Variants in OTOF observed in about 807,000 individuals in gnomAD.
OTOF encodes fer-1-like family member 2.
A neutral mutation model predicts 236.8 loss-of-function variants in OTOF; 218 were observed. The ratio of observed to expected loss-of-function variants is 0.92; its 90% CI spans 0.82 to 1.03. OTOF has a LOEUF of 1.03. OTOF is among the 50% of genes least tolerant of loss of function. The pLI is 0.00. For missense variants in OTOF, 2,590 were observed against 2,694.4 expected, an observed-to-expected ratio of 0.96 and a Z score of 0.86; for synonymous variants, 1,041 against 1,072.5, an observed-to-expected ratio of 0.97 and a Z score of 0.57.
In OTOF at chr2:26,479,600, G is replaced by C. The variant is rs755740624; in HGVS notation, c.1966C>G (p.Arg656Gly). The C allele has an allele frequency of 6.2e-7, 1 of 1,612,468 alleles. No individual in the cohort carries two copies. Among genetic ancestry groups the C allele is most frequent in the Non-Finnish European group, 8.5e-7 (1 of 1,179,806 alleles). Residue 656 changes from arginine to glycine, a missense_variant, in exon 17 of 47, where the codon CGG becomes GGG. Arg to Gly is a moderately radical substitution (Grantham distance 125). This residue lies in a region of OTOF where 1,379 missense variants were observed against 1,341.6 expected (regional missense o/e 1.03). Transcript: ENST00000272371. ...GLSRPQRPRP[R>G]KEPGDEEEVD... is the part of the protein sequence containing the mutation. ...TCTTCCTCATCCCCCGGCTCCTTCC[G>C]GGGCCGAGGCCGCTGGGGCCGGGAC...
chr2:26,554,562 T>C (rs1235747299), intron 1 of OTOF, among the ~76,000 whole-genome samples: 1 of 152,146 alleles, frequency 6.6e-6, no homozygotes. Flanking sequence ...GTACTTTGTG[T>C]GCAAAGTACT....
intron 30 of OTOF, chr2:26,472,294 G>A: frequency 1.7e-6 from 1 of 598,048 alleles, no homozygotes; most frequent in Non-Finnish European, 3.1e-6. Flanking sequence ...CCACACACAT[G>A]CGCACACACA....
chr2:26,503,978 C>T, intron 5 of OTOF, 133 bp from the exon 6 acceptor site: 1 of 773,166 alleles, frequency 1.3e-6, no homozygotes, highest in Non-Finnish European at 2.2e-6. Flanking sequence ...CTACTGGTCC[C>T]GAGACAGATC....
chr2:26,514,109 G>C (rs1250574534), intron 5 of OTOF, among the ~76,000 whole-genome samples: 1 of 152,250 alleles, frequency 6.6e-6, no homozygotes, highest in Non-Finnish European at 1.5e-5. Context: ...TCCACAACCA[G>C]GCCTGCTGGC....
chr2:26,495,018 A>G lies in OTOF; in HGVS notation c.821T>C (p.Val274Ala), dbSNP rs1307936344. Residue 274 changes from valine to alanine, a missense_variant, in exon 9 of 47, where the codon GTG becomes GCG. Val to Ala is a moderately conservative substitution (Grantham distance 64). Coordinates refer to ENST00000272371, the MANE Select transcript of OTOF (RefSeq NM_194248.3). ...RQLVGLNMDP[V>A]VCVEVGDDKK... ...GTCGTCACCCACCTCCACGCACACC[A>G]CAGGGTCCATGTTCAAGCCCACCAG... is the stretch of plus-strand genomic sequence containing the variant. The G allele has an allele frequency of 6.2e-7, 1 of 1,614,128 alleles. No homozygotes were observed. The highest frequency in any genetic ancestry group is 2.2e-5 in the East Asian group (1 of 44,874).
chr2:26,540,992 C>A (rs1287804264), intron 1 of OTOF, among the ~76,000 whole-genome samples: 3 of 152,226 alleles, frequency 2.0e-5, no homozygotes, highest in Admixed American at 6.5e-5. Flanking sequence ...AGGTAACACA[C>A]AATATAAATT....
At chr2:26,498,377 C>G (rs1666040104) in intron 8 of OTOF, among the ~76,000 whole-genome samples, 1 of 152,200 alleles carries the variant, frequency 6.6e-6, no homozygotes, top group African/African-American at 2.4e-5. Context: ...CCACCAGGCG[C>G]ATGGTGTTGG....
In OTOF at chr2:26,465,952, C is replaced by G; in HGVS notation, c.4625G>C (p.Gly1542Ala). 2 of 1,614,212 alleles carry G rather than the reference C, an allele frequency of 1.2e-6. No individual in the cohort carries two copies. The highest frequency in any genetic ancestry group is 1.7e-6 in the Non-Finnish European group (2 of 1,180,036). Reference protein sequence around the residue: ...YISKQLNPVFGKSFDIEASFP... With the variant: ...YISKQLNPVFAKSFDIEASFP... The stretch of plus-strand genomic sequence containing the variant: ...GGAGGGCACCAAGAAGCCTTACTTC[C>G]CAAAGACAGGGTTGAGCTGCTTGGA... Residue 1542 changes from glycine to alanine, a missense_variant, in exon 37 of 47, where the codon GGG becomes GCG. Physicochemically the swap from Gly to Ala is moderately conservative, Grantham distance 60. This residue lies in a region of OTOF where 1,211 missense variants were observed against 1,352.8 expected (regional missense o/e 0.90). Transcript: ENST00000272371.
intron 30 of OTOF, 96 bp from the exon 31 acceptor site, chr2:26,471,246 G>A (rs1305898385): frequency 2.1e-6 from 3 of 1,403,266 alleles, no homozygotes; most frequent in African/African-American, 2.8e-5. Flanking sequence ...GAGCCGAGAT[G>A]GAAATTACTG....
At chr2:26,507,956 GGGTCCTA>G (rs1241141982) in intron 5 of OTOF, among the ~76,000 whole-genome samples, 2 of 152,224 alleles carry the variant, frequency 1.3e-5, no homozygotes, top group Non-Finnish European at 2.9e-5. Flanking sequence ...GGTGCACACA[GGGTCCTA>G]GGTAGAGCTT....
intron 1 of OTOF, among the ~76,000 whole-genome samples, chr2:26,551,698 TTAAA>T (rs977406479): frequency 2.7e-4 from 41 of 152,338 alleles, no homozygotes; most frequent in African/African-American, 9.9e-4. Context: ...GGATAAATGA[TTAAA>T]TACCTGATTT....
intron 39 of OTOF, 80 bp downstream of exon 39, chr2:26,464,788 TC>T: frequency 7.2e-7 from 1 of 1,387,766 alleles, no homozygotes; most frequent in Non-Finnish European, 9.9e-7. Flanking sequence ...GCTGTGAGGT[TC>T]CCCAGGGAAG....
At position 26,467,118 on chromosome 2, in the gene OTOF, C is replaced by T. The variant is rs373858563; in HGVS notation, c.4343G>A (p.Arg1448His). 44 of 1,613,684 alleles carry T rather than the reference C, an allele frequency of 2.7e-5. No homozygotes were observed. The highest frequency in any genetic ancestry group is 4.0e-5 in the African/African-American group (3 of 74,992). ...DDEDGSTEEE[R>H]IVGRFKGSLC... is the part of the protein sequence containing the mutation. ...CCTGACCTTGAAGCGTCCCACAATG[C>T]GCTCCTCCTCGGTGGAGCCATCCTC... Residue 1448 changes from arginine to histidine, a missense_variant, in exon 35 of 47, where the codon CGC becomes CAC. Arg to His is a conservative substitution (Grantham distance 29, BLOSUM62 0). Transcript: ENST00000272371.
intron 5 of OTOF, among the ~76,000 whole-genome samples, chr2:26,506,268 C>T (rs1052498952): frequency 1.3e-5 from 2 of 152,258 alleles, no homozygotes; most frequent in African/African-American, 2.4e-5. Context: ...CTGCAGGGCT[C>T]AGCGTTTGAC....
chr2:26,460,164 T>C lies in OTOF; in HGVS notation c.5855A>G (p.Lys1952Arg). ...TSFIWFLNPL[K>R]SARYFLWHTY... ...GTGCCACAAGAAGTAGCGAGCCGAC[T>C]TGAGAGGGTTCAGGAACCAGATGAA... The change falls in exon 46 of 47, where the codon AAG (lysine) becomes AGG (arginine). Residue 1952 changes from lysine to arginine, a missense_variant. Transcript: ENST00000272371. The surrounding 1 kb of genome is among the most constrained non-coding windows in gnomAD (Gnocchi z 5.3). The C allele has an allele frequency of 6.2e-7, 1 of 1,604,990 alleles. No homozygotes were observed. The highest frequency in any genetic ancestry group is 8.5e-7 in the Non-Finnish European group (1 of 1,176,264).
At chr2:26,483,882 C>T (rs895242209) in intron 12 of OTOF, among the ~76,000 whole-genome samples, 12 of 152,228 alleles carry the variant, frequency 7.9e-5, no homozygotes, top group African/African-American at 2.2e-4. Flanking sequence ...TAATACCCAC[C>T]TCCCAAGAAC....
chr2:26,550,211 C>T (rs112089365), intron 1 of OTOF, among the ~76,000 whole-genome samples: 13 of 152,190 alleles, frequency 8.5e-5, no homozygotes, highest in Non-Finnish European at 1.8e-4. Context: ...GTTGAGGCAG[C>T]GTCTAGCAGG....
At chr2:26,552,018 G>C (rs1401064247) in intron 1 of OTOF, among the ~76,000 whole-genome samples, 1 of 150,528 alleles carries the variant, frequency 6.6e-6, no homozygotes, top group Admixed American at 6.6e-5. Context: ...AAATTGGATG[G>C]TACAACATAG....
At chr2:26,503,654 C>T (rs1572457333) in intron 6 of OTOF, 118 bp downstream of exon 6, 13 of 871,120 alleles carry the variant, frequency 1.5e-5, no homozygotes, top group Non-Finnish European at 2.5e-5. Context: ...CTGGGTGGGG[C>T]CTGGCCCTGG....
Sources: gnomAD v4.1 joint callset for allele counts (sites outside exome capture counted in the v4.1 genomes callset) on GRCh38, gnomAD v4.1.1 for gene constraint, gnomAD v4.1.1 regional missense constraint, Gnocchi (gnomAD v3.1) non-coding constraint, MANE v1.5 for transcripts, NCBI Gene and HGNC (gene_info 2026-07-23, HGNC 2026-07-21) for gene names.